NR6A1: variants seen among roughly 807,000 people sequenced by gnomAD.
NR6A1 encodes nuclear receptor subfamily 6 group A member 1, also known as retinoic acid receptor-related testis-associated receptor.
Under a neutral mutation model 59.1 loss-of-function variants are expected in NR6A1, and 7 were observed. That is an observed-to-expected ratio of 0.12 (90% CI 0.07 to 0.22). NR6A1 has a LOEUF of 0.22. NR6A1 is among the 10% of genes least tolerant of loss of function. The pLI, the probability that NR6A1 is intolerant of heterozygous loss-of-function variation, is 1.00. For synonymous variants in NR6A1, 243 were observed against 236.1 expected (o/e 1.03, Z -0.27); for missense variants, 468 against 611.6 (o/e 0.77, Z 2.48).
chr9:124,618,019 C>T (rs545560337), intron 2 of NR6A1, among the ~76,000 whole-genome samples: 1 of 152,150 alleles, frequency 6.6e-6, no homozygotes, highest in Admixed American at 6.5e-5. Context: ...ACTAAACAGG[C>T]GATGCATTAT....
intron 5 of NR6A1, 151 bp downstream of exon 5, chr9:124,539,882 A>G: frequency 1.2e-6 from 1 of 854,016 alleles, no homozygotes; most frequent in African/African-American, 1.7e-5. Flanking sequence ...CACTGTTTTT[A>G]ATCTTCCTGA....
At chr9:124,768,395 G>A (rs1204448055) in intron 1 of NR6A1, among the ~76,000 whole-genome samples, 1 of 152,132 alleles carries the variant, frequency 6.6e-6, no homozygotes, top group Non-Finnish European at 1.5e-5. Flanking sequence ...TGTTCCATAG[G>A]CAAACTTAAA....
intron 2 of NR6A1, among the ~76,000 whole-genome samples, chr9:124,588,469 G>A (rs935574712): frequency 1.3e-4 from 19 of 151,144 alleles, no homozygotes; most frequent in African/African-American, 3.4e-4. Context: ...CACCACGCCC[G>A]GCTAATTTTT....
chr9:124,523,938 A>C (rs1160291167), intron 9 of NR6A1, among the ~76,000 whole-genome samples: 1 of 152,178 alleles, frequency 6.6e-6, no homozygotes, highest in Non-Finnish European at 1.5e-5. Flanking sequence ...CCAGAACAAG[A>C]ATCTTTACCA....
chr9:124,558,133 C>T (rs1833980980), intron 2 of NR6A1, among the ~76,000 whole-genome samples: 1 of 152,192 alleles, frequency 6.6e-6, no homozygotes, highest in African/African-American at 2.4e-5. Context: ...ATAACCTCTG[C>T]ATAAAGCATT....
intron 2 of NR6A1, among the ~76,000 whole-genome samples, chr9:124,692,857 AT>A (rs1055642475): frequency 1.3e-5 from 2 of 152,184 alleles, no homozygotes; most frequent in African/African-American, 4.8e-5. Flanking sequence ...AAAAATACGT[AT>A]TTTGTTTTGG....
chr9:124,630,426 G>A (rs1836396944), intron 2 of NR6A1, among the ~76,000 whole-genome samples: 4 of 150,478 alleles, frequency 2.7e-5, no homozygotes, highest in Non-Finnish European at 4.4e-5. Flanking sequence ...TAGTAGAGAC[G>A]GGGTTTCATT....
intron 1 of NR6A1, among the ~76,000 whole-genome samples, chr9:124,739,894 C>A (rs191909450): frequency 6.6e-6 from 1 of 152,324 alleles, no homozygotes; most frequent in East Asian, 1.9e-4. Context: ...GCAACAGAGA[C>A]ATGGACTCTG....
chr9:124,690,416 G>A (rs1838498442), intron 2 of NR6A1, among the ~76,000 whole-genome samples: 1 of 152,072 alleles, frequency 6.6e-6, no homozygotes, highest in African/African-American at 2.4e-5. Flanking sequence ...AATATTTCGT[G>A]GTTTCTCTGG....
At chr9:124,548,840 C>A (rs1203651351) in intron 3 of NR6A1, among the ~76,000 whole-genome samples, 1 of 152,172 alleles carries the variant, frequency 6.6e-6, no homozygotes, top group Non-Finnish European at 1.5e-5. Context: ...ACTAACATGA[C>A]ACCCACCCCC....
At chr9:124,719,354 G>A (rs1027380779) in intron 2 of NR6A1, among the ~76,000 whole-genome samples, 3 of 152,124 alleles carry the variant, frequency 2.0e-5, no homozygotes, top group Non-Finnish European at 4.4e-5. Context: ...TGACAGGAGT[G>A]AGCTACCTCT....
intron 2 of NR6A1, among the ~76,000 whole-genome samples, chr9:124,682,888 G>A (rs1362770874): frequency 1.3e-5 from 2 of 152,108 alleles, no homozygotes. Flanking sequence ...TATGGAAATT[G>A]AAGTAACATA....
At chr9:124,623,361 ATTAT>A (rs138959413) in intron 2 of NR6A1, among the ~76,000 whole-genome samples, 21 of 151,498 alleles carry the variant, frequency 1.4e-4, no homozygotes, top group Admixed American at 4.6e-4. Flanking sequence ...TATTATTATT[ATTAT>A]TTATTTATTT....
chr9:124,646,358 C>A (rs1166088617), intron 2 of NR6A1, among the ~76,000 whole-genome samples: 1 of 152,122 alleles, frequency 6.6e-6, no homozygotes, highest in African/African-American at 2.4e-5. Context: ...CCATAAGCCT[C>A]TAGCAAGGCT....
At chr9:124,766,442 T>C (rs1291194949) in intron 1 of NR6A1, among the ~76,000 whole-genome samples, 1 of 152,222 alleles carries the variant, frequency 6.6e-6, no homozygotes, top group Non-Finnish European at 1.5e-5. Flanking sequence ...TTCAAGCACA[T>C]TTATTCTTTA....
intron 2 of NR6A1, among the ~76,000 whole-genome samples, chr9:124,572,835 G>C (rs578071210): frequency 6.6e-6 from 1 of 152,228 alleles, no homozygotes; most frequent in South Asian, 2.1e-4. Context: ...CAAGGTCTGA[G>C]GAAAAGGTCA....
At chr9:124,559,882 A>G (rs1564179120) in intron 2 of NR6A1, among the ~76,000 whole-genome samples, 1 of 152,224 alleles carries the variant, frequency 6.6e-6, no homozygotes, top group Non-Finnish European at 1.5e-5. Flanking sequence ...TCTTAAAACA[A>G]AGTATCCAGA....
chr9:124,697,108 C>T (rs748866295), intron 2 of NR6A1, among the ~76,000 whole-genome samples: 1 of 152,040 alleles, frequency 6.6e-6, no homozygotes, highest in East Asian at 1.9e-4. Context: ...CTGGAGTGTA[C>T]TAAGAAAGAA....
intron 2 of NR6A1, among the ~76,000 whole-genome samples, chr9:124,582,348 A>G (rs1012070029): frequency 2.6e-5 from 4 of 152,146 alleles, no homozygotes; most frequent in Admixed American, 2.0e-4. Flanking sequence ...TCCCACTTAT[A>G]AGGAGGAGCT....
Sources: gnomAD v4.1 joint callset for allele counts (sites outside exome capture counted in the v4.1 genomes callset) on GRCh38, gnomAD v4.1.1 for gene constraint, MANE v1.5 for transcripts, NCBI Gene and HGNC (gene_info 2026-07-23, HGNC 2026-07-21) for gene names.